The following PDE4D variants were observed in gnomAD, a reference collection of about 807,000 sequenced individuals.
The protein encoded by PDE4D is 3',5'-cyclic-AMP phosphodiesterase 4D.
In PDE4D, 24 loss-of-function variants were observed where a neutral mutation model predicts 87.4. The ratio of observed to expected loss-of-function variants is 0.27; its 90% CI spans 0.20 to 0.39. The LOEUF is 0.39. Among genes scored for constraint, PDE4D ranks in the 10% least tolerant of loss-of-function variants. The probability of loss-of-function intolerance (pLI) is 1.00; values close to 1 mark genes in which losing one functional copy is unlikely to be tolerated. For missense variants in PDE4D, 714 were observed against 1,041.0 expected (o/e 0.69, Z 4.32); for synonymous variants, 384 against 383.2 (o/e 1.00, Z -0.02).
At chr5:59,935,573 G>A (rs1235682495) in intron 3 of PDE4D, among the ~76,000 whole-genome samples, 7 of 152,106 alleles carry the variant, frequency 4.6e-5, no homozygotes. Flanking sequence ...TTTTCCCTTT[G>A]TATTAAAGAA....
At chr5:59,260,557 G>C (rs138867615) in intron 1 of PDE4D, among the ~76,000 whole-genome samples, 19 of 151,864 alleles carry the variant, frequency 1.3e-4, no homozygotes, top group African/African-American at 4.1e-4. Context: ...AAGTAAGTTA[G>C]CTAAAACTTT....
At chr5:59,567,562 G>A (rs1478936549) in intron 1 of PDE4D, among the ~76,000 whole-genome samples, 2 of 152,106 alleles carry the variant, frequency 1.3e-5, no homozygotes, top group Admixed American at 6.6e-5. Flanking sequence ...CAATTTTTAT[G>A]TACAGAAAAA....
intron 2 of PDE4D, among the ~76,000 whole-genome samples, chr5:59,996,774 C>A (rs1763563053): frequency 6.6e-6 from 1 of 152,100 alleles, no homozygotes; most frequent in African/African-American, 2.4e-5. Flanking sequence ...AATCAATTTT[C>A]AAATGGATAT....
At position 60,407,296 on chromosome 5, in the gene PDE4D, C is replaced by T. The variant is rs545775389; in HGVS notation, c.-90+80646G>A. 3.3e-4 allele frequency among the ~76,000 whole-genome samples: 50 copies of T among 151,984 alleles called. 1 individual carries two copies. Among genetic ancestry groups the T allele is most frequent in the African/African-American group, 1.1e-3 (44 of 41,448 alleles). On this transcript the variant is annotated intron_variant, in intron 1 of 16. Transcript: ENST00000502484. ...TCAGAAGATCATCAAAACACTCTAG[C>T]TGCAAAAAAAGCAGGGCACATGTGC... is the stretch of plus-strand genomic sequence containing the variant.
At chr5:60,173,553 G>T (rs1783663275) in intron 2 of PDE4D, among the ~76,000 whole-genome samples, 1 of 151,552 alleles carries the variant, frequency 6.6e-6, no homozygotes, top group South Asian at 2.1e-4. Context: ...GGCTGTAACA[G>T]AAATTACACA....
chr5:59,252,885 C>T (rs776282517), intron 1 of PDE4D, among the ~76,000 whole-genome samples: 9 of 152,018 alleles, frequency 5.9e-5, no homozygotes, highest in Non-Finnish European at 1.2e-4. Context: ...GAATAAGATC[C>T]AGAAATAAAC....
chr5:59,456,916 G>A (rs1473994013), intron 1 of PDE4D, among the ~76,000 whole-genome samples: 1 of 152,234 alleles, frequency 6.6e-6, no homozygotes, highest in Non-Finnish European at 1.5e-5. Flanking sequence ...CAGCAACAAA[G>A]AGATGAGCAG....
intron 2 of PDE4D, among the ~76,000 whole-genome samples, chr5:60,166,597 T>G (rs1288031478): frequency 6.6e-6 from 1 of 152,204 alleles, no homozygotes; most frequent in Non-Finnish European, 1.5e-5. Context: ...AATATTAGAG[T>G]ATTCTAAATT....
chr5:60,257,900 C>G (rs1224822154), intron 1 of PDE4D, among the ~76,000 whole-genome samples: 1 of 151,880 alleles, frequency 6.6e-6, no homozygotes. Context: ...AAGTGAGGAG[C>G]AAACCATAGC....
intron 1 of PDE4D, among the ~76,000 whole-genome samples, chr5:59,416,198 A>G (rs1793581279): frequency 6.6e-6 from 1 of 152,186 alleles, no homozygotes; most frequent in East Asian, 1.9e-4. Flanking sequence ...TTATGTCTCA[A>G]AGGAGAATTA....
intron 5 of PDE4D, among the ~76,000 whole-genome samples, chr5:59,156,655 G>A (rs1581107147): frequency 6.6e-6 from 1 of 151,846 alleles, no homozygotes; most frequent in East Asian, 1.9e-4. Context: ...GCCCTGGACT[G>A]CTCACTCTGA....
intron 1 of PDE4D, among the ~76,000 whole-genome samples, chr5:60,292,641 A>G (rs975039272): frequency 2.0e-5 from 3 of 152,192 alleles, no homozygotes; most frequent in African/African-American, 7.2e-5. Flanking sequence ...ATTTCTTCCA[A>G]TTCTAGAGTT....
intron 5 of PDE4D, among the ~76,000 whole-genome samples, chr5:59,143,617 T>C (rs77406293): frequency 0.017 from 2,625 of 152,312 alleles, 64 homozygotes; most frequent in African/African-American, 0.059. Flanking sequence ...ACTCAATAAA[T>C]ATTATAATTA....
At chr5:59,098,657 T>C (rs1770189369) in intron 5 of PDE4D, among the ~76,000 whole-genome samples, 1 of 115,826 alleles carries the variant, frequency 8.6e-6, no homozygotes, top group African/African-American at 3.4e-5. Flanking sequence ...TAAGCCCTGA[T>C]CACACCACTA....
intron 1 of PDE4D, among the ~76,000 whole-genome samples, chr5:59,795,571 AC>A (rs1561675069): frequency 2.0e-5 from 3 of 152,208 alleles, no homozygotes; most frequent in Admixed American, 6.5e-5. Context: ...CTATATATAT[AC>A]TTCTACTATA....
At chr5:60,374,585 C>T (rs1420521634) in intron 1 of PDE4D, among the ~76,000 whole-genome samples, 4 of 152,094 alleles carry the variant, frequency 2.6e-5, no homozygotes, top group African/African-American at 9.7e-5. Context: ...ATAAATTGCT[C>T]CAGGGAAGGT....
chr5:60,142,575 ATG>A (rs1315158295), intron 2 of PDE4D, among the ~76,000 whole-genome samples: 3 of 152,198 alleles, frequency 2.0e-5, no homozygotes, highest in Non-Finnish European at 4.4e-5. Flanking sequence ...AAACACCAGC[ATG>A]AGCCAGGGTT....
At chr5:59,206,789 C>G (rs1018798456) in intron 2 of PDE4D, among the ~76,000 whole-genome samples, 1 of 152,060 alleles carries the variant, frequency 6.6e-6, no homozygotes, top group Non-Finnish European at 1.5e-5. Flanking sequence ...TTAATACACA[C>G]CTTTATTTAG....
At chr5:59,953,887 G>A (rs907337716) in intron 3 of PDE4D, among the ~76,000 whole-genome samples, 1 of 152,140 alleles carries the variant, frequency 6.6e-6, no homozygotes, top group Non-Finnish European at 1.5e-5. Context: ...CCCACTTAAC[G>A]CTCAATTCCT....
Sources: gnomAD v4.1 joint callset for allele counts (sites outside exome capture counted in the v4.1 genomes callset) on GRCh38, gnomAD v4.1.1 for gene constraint, MANE v1.5 for transcripts, NCBI Gene and HGNC (gene_info 2026-07-23, HGNC 2026-07-21) for gene names.